CLEC9A: variants seen among roughly 807,000 people sequenced by gnomAD.
CLEC9A encodes C-type lectin domain family 9 member A.
Under a neutral mutation model 30.0 loss-of-function variants are expected in CLEC9A, and 24 were observed. The ratio of observed to expected loss-of-function variants is 0.80; its 90% CI spans 0.58 to 1.13. CLEC9A has a LOEUF of 1.13. CLEC9A is among the 50% of genes most tolerant of loss of function. CLEC9A has a pLI of 0.00. For missense variants in CLEC9A, 251 were observed against 280.9 expected, an observed-to-expected ratio of 0.89 and a Z score of 0.76; for synonymous variants, 111 against 96.8, an observed-to-expected ratio of 1.15 and a Z score of -0.86.
At chr12:10,050,055 A>G (rs938147005) in intron 2 of CLEC9A, among the ~76,000 whole-genome samples, 1 of 152,200 alleles carries the variant, frequency 6.6e-6, no homozygotes, top group African/African-American at 2.4e-5. Context: ...TAATATTGTT[A>G]GGTCTCAGGG....
At chr12:10,060,980 A>T in intron 5 of CLEC9A, 147 bp from the exon 6 acceptor site, 1 of 924,726 alleles carries the variant, frequency 1.1e-6, no homozygotes, top group Non-Finnish European at 1.6e-6. Context: ...ATTCTTGTAC[A>T]ATGTAAATTT....
At chr12:10,058,167 G>A (rs1479488063) in intron 5 of CLEC9A, among the ~76,000 whole-genome samples, 1 of 151,980 alleles carries the variant, frequency 6.6e-6, no homozygotes, top group African/African-American at 2.4e-5. Flanking sequence ...TATAGTATAC[G>A]CTGTTCAGAC....
chr12:10,045,309 A>G (rs1865836476), intron 2 of CLEC9A, among the ~76,000 whole-genome samples: 1 of 152,178 alleles, frequency 6.6e-6, no homozygotes, highest in African/African-American at 2.4e-5. Context: ...AGCTTTTCAG[A>G]TATACATACC....
At chr12:10,039,675 TCA>T (rs1440276225) in intron 1 of CLEC9A, among the ~76,000 whole-genome samples, 14 of 152,336 alleles carry the variant, frequency 9.2e-5, no homozygotes, top group African/African-American at 2.6e-4. Flanking sequence ...CCAGGAAATC[TCA>T]CAGTCCTCCA....
In CLEC9A at chr12:10,061,126, G is replaced by GT; in HGVS notation, c.173dup (p.Leu58PhefsTer52). On this transcript the variant is annotated frameshift_variant and splice_region_variant. Transcript: ENST00000355819. LOFTEE classifies it high-confidence loss of function. ...TTAGGAATGATTGCTATCATGTGAA[G>GT]TGTTGCAGGTGTCCACCATTGCGAT... The GT allele has an allele frequency of 1.5e-5, 24 of 1,608,792 alleles. No homozygotes were observed. The highest frequency in any genetic ancestry group is 2.0e-5 in the Non-Finnish European group (24 of 1,178,220).
intron 5 of CLEC9A, among the ~76,000 whole-genome samples, chr12:10,055,768 C>T (rs373720805): frequency 2.6e-5 from 4 of 151,836 alleles, no homozygotes; most frequent in East Asian, 3.9e-4. Flanking sequence ...TATAAAAGTA[C>T]ACTTTAGGCC....
chr12:10,033,593 T>C (rs1403511513), intron 1 of CLEC9A, among the ~76,000 whole-genome samples: 1 of 152,258 alleles, frequency 6.6e-6, no homozygotes, highest in Non-Finnish European at 1.5e-5. Context: ...GGAATCACCT[T>C]TGACTTTTCT....
chr12:10,061,385 T>C, intron 6 of CLEC9A, 112 bp downstream of exon 6: 6 of 1,115,198 alleles, frequency 5.4e-6, no homozygotes, highest in Non-Finnish European at 7.3e-6. Context: ...GATTTTATAA[T>C]AAGAGTGACA....
chr12:10,034,330 T>A (rs1289255933), intron 1 of CLEC9A, among the ~76,000 whole-genome samples: 1 of 152,244 alleles, frequency 6.6e-6, no homozygotes, highest in Non-Finnish European at 1.5e-5. Flanking sequence ...GGAAGAAAGC[T>A]GGGACATTGC....
At chr12:10,052,975 C>T (rs930571393) in intron 4 of CLEC9A, 197 bp downstream of exon 4, 13 of 487,692 alleles carry the variant, frequency 2.7e-5, no homozygotes, top group East Asian at 1.4e-4. Context: ...ACGTGATAAA[C>T]GTGCGGAACT....
chr12:10,050,634 T>G (rs1169717113), intron 2 of CLEC9A, among the ~76,000 whole-genome samples: 1 of 152,230 alleles, frequency 6.6e-6, no homozygotes, highest in Non-Finnish European at 1.5e-5. Flanking sequence ...CTCCATACAA[T>G]GAAATTTATC....
chr12:10,036,543 AC>A (rs1169859748), intron 1 of CLEC9A, among the ~76,000 whole-genome samples: 1 of 152,158 alleles, frequency 6.6e-6, no homozygotes, highest in Non-Finnish European at 1.5e-5. Flanking sequence ...CAGTCATAAC[AC>A]CCACAGTAGT....
chr12:10,062,948 G>A lies in CLEC9A; in HGVS notation c.320-107G>A, dbSNP rs964415019. Reference sequence around the variant, plus strand: ...AGTGCTACATCATGTGGACCATTACGTTATGAGATTCAGCCTCACTGAGGG... The same window carrying A: ...AGTGCTACATCATGTGGACCATTACATTATGAGATTCAGCCTCACTGAGGG... On this transcript the variant is annotated intron_variant, in intron 6 of 8. Coordinates refer to ENST00000355819, the MANE Select transcript of CLEC9A (RefSeq NM_207345.4). The A allele has an allele frequency of 3.8e-5, 33 of 877,442 alleles. No homozygotes were observed. In the South Asian group the frequency reaches 4.2e-4, roughly 11 times the overall value. 54.4% of individuals were successfully genotyped at this position (877,442 alleles called of 1,614,324 possible). A position where few individuals can be genotyped will look rare whatever the true frequency, so the allele number is the denominator to read the frequency against.
intron 2 of CLEC9A, among the ~76,000 whole-genome samples, chr12:10,048,513 A>G (rs1469384911): frequency 6.6e-6 from 1 of 152,228 alleles, no homozygotes; most frequent in African/African-American, 2.4e-5. Context: ...ATCCTCTCAA[A>G]TCCTGCTACT....
intron 1 of CLEC9A, among the ~76,000 whole-genome samples, chr12:10,036,551 T>C (rs1180742391): frequency 6.6e-6 from 1 of 152,208 alleles, no homozygotes. Context: ...ACACCCACAG[T>C]AGTCAACATC....
chr12:10,041,040 C>T (rs1865791563), intron 1 of CLEC9A: 1 of 156,400 alleles, frequency 6.4e-6, no homozygotes, highest in Non-Finnish European at 1.4e-5. Flanking sequence ...GTTAGGAGTT[C>T]GAGACCAGCC....
intron 6 of CLEC9A, among the ~76,000 whole-genome samples, 171 bp from the exon 7 acceptor site, chr12:10,062,884 A>C (rs1053944968): frequency 6.6e-6 from 1 of 152,308 alleles, no homozygotes; most frequent in East Asian, 1.9e-4. Flanking sequence ...TATTACATGA[A>C]TCTTACTATA....
chr12:10,061,034 A>G (rs1455375882), intron 5 of CLEC9A, 93 bp from the exon 6 acceptor site: 1 of 1,387,144 alleles, frequency 7.2e-7, no homozygotes, highest in East Asian at 2.7e-5. Context: ...CTCAAAAATA[A>G]TAGTAATTTG....
chr12:10,041,159 T>C (rs1056674673), intron 1 of CLEC9A, among the ~76,000 whole-genome samples: 2 of 151,864 alleles, frequency 1.3e-5, no homozygotes, highest in African/African-American at 4.8e-5. Context: ...GGCAGGAGAA[T>C]CACTTAAACC....
Sources: allele counts gnomAD v4.1 joint callset (sites outside exome capture counted in the v4.1 genomes callset), GRCh38; gene constraint gnomAD v4.1.1; transcripts MANE v1.5; gene names NCBI Gene and HGNC (gene_info 2026-07-23, HGNC 2026-07-21).